PARVB: variants seen among roughly 807,000 people sequenced by gnomAD.
PARVB encodes parvin beta, also known as beta-parvin.
PARVB carries 46 observed loss-of-function variants against 47.0 expected under a neutral mutation model. The observed-to-expected ratio is 0.98, with a 90% CI of 0.77 to 1.25. The LOEUF (loss-of-function observed/expected upper bound fraction) is 1.25. Among genes scored for constraint, PARVB ranks in the 50% most tolerant of loss-of-function variants. The pLI is 0.00. For synonymous variants in PARVB, 196 were observed against 196.3 expected (o/e 1.00, Z 0.01); for missense variants, 473 against 471.6 (o/e 1.00, Z -0.03).
intron 1 of PARVB, among the ~76,000 whole-genome samples, chr22:44,081,286 G>A (rs1342694140): frequency 6.6e-6 from 1 of 152,132 alleles, no homozygotes; most frequent in Non-Finnish European, 1.5e-5. Flanking sequence ...TTTGGAAGGG[G>A]CCTGTCTCCG....
chr22:44,118,671 GT>G (rs1295345505), intron 3 of PARVB, among the ~76,000 whole-genome samples: 2 of 152,204 alleles, frequency 1.3e-5, no homozygotes, highest in South Asian at 2.1e-4. Flanking sequence ...TGGCTGCAGA[GT>G]TGTGCAGCCT....
At chr22:44,147,836 C>T (rs747936836) in intron 8 of PARVB, 25 bp from the exon 9 acceptor site, 8 of 1,610,040 alleles carry the variant, frequency 5.0e-6, no homozygotes, top group South Asian at 2.2e-5. Context: ...AACGCTCCTT[C>T]GTGTCTCTCT....
At position 44,069,154 on chromosome 22, in the gene PARVB, T is replaced by G. The variant is rs763166394; in HGVS notation, c.113-24774T>G. 8 of 1,612,322 alleles carry G rather than the reference T, an allele frequency of 5.0e-6. No individual in the cohort carries two copies. The East Asian group carries it at 8.9e-5, about 18-fold the overall frequency. On this transcript the variant is annotated intron_variant, in intron 1 of 12. Coordinates refer to ENST00000338758, the MANE Select transcript of PARVB (RefSeq NM_013327.5). ...TGCAGAGCTGCCGCCAGCTGCACCC[T>G]CCTCGCCAGTGAGTTCTGTTGCTTT...
chr22:44,024,246 GGGGCCGGC>G, upstream of PARVB: 1 of 582,378 alleles, frequency 1.7e-6, no homozygotes, highest in Non-Finnish European at 2.2e-6. Context: ...GACCGGGGCG[GGGGCCGGC>G]GGCGGGGCCG....
intron 1 of PARVB, 93 bp downstream of exon 1, chr22:44,024,544 C>G: frequency 2.1e-6 from 1 of 472,374 alleles, no homozygotes; most frequent in Non-Finnish European, 2.9e-6. Context: ...CCCCGCCCTC[C>G]CCCACGCACC....
At chr22:44,137,451 G>C (rs543579417) in intron 7 of PARVB, among the ~76,000 whole-genome samples, 2 of 152,242 alleles carry the variant, frequency 1.3e-5, no homozygotes, top group Non-Finnish European at 2.9e-5. Flanking sequence ...GAGAAGGGCT[G>C]CTCGTGGGGA....
Position 44,170,724 on chromosome 22 carries a change from C to T in PARVB, c.*2046C>T, listed in dbSNP as rs1021104976. ...CCCAGGGTGATGACCCGCTGACCCC[C>T]TGGGGTGCACCTGCTGCAAAGCAGC... On this transcript the variant is annotated 3_prime_UTR_variant, in exon 13 of 13. Coordinates refer to ENST00000338758, the MANE Select transcript of PARVB (RefSeq NM_013327.5). 1 of 152,198 alleles carries T rather than the reference C, an allele frequency of 6.6e-6. No individual in the cohort carries two copies. The highest frequency in any genetic ancestry group is 2.4e-5 in the African/African-American group (1 of 41,442). The allele number at this position is 152,198 out of a possible 1,614,324, so 9.4% of individuals were successfully genotyped here.
chr22:44,002,712 A>G (rs2050425249), intron 2 of PARVB, among the ~76,000 whole-genome samples: 1 of 152,196 alleles, frequency 6.6e-6, no homozygotes, highest in African/African-American at 2.4e-5. Flanking sequence ...ATTTACACAT[A>G]CAGATTTCAG....
chr22:44,050,558 G>A (rs938435408), intron 1 of PARVB, among the ~76,000 whole-genome samples: 3 of 152,036 alleles, frequency 2.0e-5, no homozygotes, highest in Admixed American at 6.6e-5. Flanking sequence ...GGCTGGTCTC[G>A]AACTCCTGAC....
At chr22:44,004,295 T>G (rs1379860864) in intron 2 of PARVB, among the ~76,000 whole-genome samples, 1 of 152,152 alleles carries the variant, frequency 6.6e-6, no homozygotes, top group Non-Finnish European at 1.5e-5. Context: ...AGGACCCTTT[T>G]GAGCTCCCCG....
At chr22:44,150,087 G>T (rs1018046954) in intron 9 of PARVB, 3 of 152,102 alleles carry the variant, frequency 2.0e-5, no homozygotes, top group Admixed American at 6.5e-5. Context: ...AACCCGGGAG[G>T]TGGAGCTTGC....
rs1385133571 is a variant in PARVB at position 44,089,960 on chromosome 22, G to A, written c.113-3968G>A. Among the ~76,000 whole-genome samples the A allele has an allele frequency of 6.6e-6, 1 of 152,180 alleles. No individual in the cohort carries two copies. The highest frequency in any genetic ancestry group is 2.4e-5 in the African/African-American group (1 of 41,438). ...GCTTCTCTGTGGAATAGGGGACCTC[G>A]CCTGCCTTGTGGTCACTCTTCCTCC... On this transcript the variant is annotated intron_variant, in intron 1 of 12. Transcript: ENST00000338758. This position sits in a 1 kb window ranked among gnomAD's most constrained non-coding sequence, Gnocchi z 4.0.
chr22:44,120,116 A>G (rs563191129), intron 4 of PARVB, among the ~76,000 whole-genome samples: 3 of 152,330 alleles, frequency 2.0e-5, no homozygotes, highest in East Asian at 1.9e-4. Context: ...GGCCCCAAGC[A>G]TAGCTCTTGA....
chr22:44,140,684 T>TAA, intron 8 of PARVB: 1 of 482,078 alleles, frequency 2.1e-6, no homozygotes, highest in Non-Finnish European at 4.2e-6. Context: ...AATGGGAGTG[T>TAA]AAAAGGCTCT....
intron 1 of PARVB, among the ~76,000 whole-genome samples, chr22:44,090,577 G>T (rs2052141965): frequency 6.6e-6 from 1 of 152,226 alleles, no homozygotes; most frequent in African/African-American, 2.4e-5. Context: ...GAGCAGGGCT[G>T]CCTCGAAGCG....
chr22:44,076,250 C>T (rs1044794447), intron 1 of PARVB, among the ~76,000 whole-genome samples: 7 of 152,214 alleles, frequency 4.6e-5, no homozygotes, highest in South Asian at 4.1e-4. Context: ...ACTCCATGGC[C>T]GCTGATTTGG....
At chr22:44,072,001 C>T (rs2146982073) in intron 1 of PARVB, among the ~76,000 whole-genome samples, 1 of 152,350 alleles carries the variant, frequency 6.6e-6, no homozygotes, top group Non-Finnish European at 1.5e-5. Context: ...CCCTCCCTCG[C>T]TCTCTACCAG....
chr22:44,129,160 G>C (rs934813908), intron 4 of PARVB, among the ~76,000 whole-genome samples: 2 of 152,146 alleles, frequency 1.3e-5, no homozygotes, highest in Admixed American at 1.3e-4. Context: ...ATATGTCTAG[G>C]GTTCCTATAA....
At chr22:44,009,981 T>G (rs1421681959) in intron 2 of PARVB, among the ~76,000 whole-genome samples, 4 of 152,026 alleles carry the variant, frequency 2.6e-5, no homozygotes, top group African/African-American at 7.3e-5. Context: ...TAATTTTTTG[T>G]ATTTTTAGTA....
Sources: gnomAD v4.1 joint callset for allele counts (sites outside exome capture counted in the v4.1 genomes callset) on GRCh38, gnomAD v4.1.1 for gene constraint, Gnocchi (gnomAD v3.1) non-coding constraint, MANE v1.5 for transcripts, NCBI Gene and HGNC (gene_info 2026-07-23, HGNC 2026-07-21) for gene names.